Variants in POLH observed in about 807,000 individuals in gnomAD.
POLH encodes the protein DNA polymerase eta transcript.
POLH carries 53 observed loss-of-function variants against 73.6 expected under a neutral mutation model. The observed-to-expected ratio is 0.72, with a 90% CI of 0.58 to 0.91. The LOEUF (loss-of-function observed/expected upper bound fraction) is 0.91. Ranked by LOEUF, POLH falls within the 40% of genes least tolerant of loss-of-function variation. The probability of loss-of-function intolerance (pLI) is 0.00; values close to 1 mark genes in which losing one functional copy is unlikely to be tolerated. For synonymous variants in POLH, 292 were observed against 308.5 expected, an observed-to-expected ratio of 0.95 and a Z score of 0.56; for missense variants, 768 against 865.4, an observed-to-expected ratio of 0.89 and a Z score of 1.41.
At chr6:43,609,925 G>A (rs1036746100) in intron 9 of POLH, among the ~76,000 whole-genome samples, 2 of 152,012 alleles carry the variant, frequency 1.3e-5, no homozygotes, top group Non-Finnish European at 2.9e-5. Flanking sequence ...AGGATACTCC[G>A]ATGTTCCATA....
chr6:43,582,592 A>G (rs772034269), intron 2 of POLH, 136 bp downstream of exon 2: 2 of 872,352 alleles, frequency 2.3e-6, no homozygotes, highest in Non-Finnish European at 3.9e-6. Context: ...CAGTGGCACC[A>G]TCAGCTCACA....
In POLH at chr6:43,614,797, GGAGGCA is replaced by G; in HGVS notation, c.*242_*247del. On this transcript the variant is annotated 3_prime_UTR_variant, in exon 11 of 11. Transcript: ENST00000372236. ...AGAGTTTTTAATCTTTAGCATTTAG[GGAGGCA>G]GTGTCATAAAGTAAAAAGTGTGTGG... 6.0e-6 allele frequency: 3 copies of G among 497,188 alleles called. No individual in the cohort carries two copies. The highest frequency in any genetic ancestry group is 1.1e-5 in the Non-Finnish European group (3 of 282,474). 30.8% of individuals were successfully genotyped at this position (497,188 alleles called of 1,614,324 possible). A position where few individuals can be genotyped will look rare whatever the true frequency, so the allele number is the denominator to read the frequency against.
chr6:43,607,992 G>T (rs1018783382), intron 9 of POLH, among the ~76,000 whole-genome samples: 1 of 152,142 alleles, frequency 6.6e-6, no homozygotes, highest in Non-Finnish European at 1.5e-5. Context: ...TTAGCTGGGC[G>T]TGGTGGCGGG....
intron 4 of POLH, among the ~76,000 whole-genome samples, chr6:43,589,669 A>G (rs1582283033): frequency 6.8e-6 from 1 of 147,666 alleles, no homozygotes; most frequent in South Asian, 2.1e-4. Flanking sequence ...AAGTCTCACT[A>G]TGTTGCCCAG....
intron 1 of POLH, among the ~76,000 whole-genome samples, chr6:43,576,744 C>T (rs913786182): frequency 3.9e-5 from 6 of 152,216 alleles, no homozygotes; most frequent in Non-Finnish European, 7.3e-5. Context: ...TAATTGCAAT[C>T]AGTGAAGGTT....
chr6:43,614,670 A>G lies in POLH; in HGVS notation c.*113A>G. ...GAGAAAGGGAATTATGAAATTTTTA[A>G]TACAAAAAATAATCCATTTAGGTGC... On this transcript the variant is annotated 3_prime_UTR_variant, in exon 11 of 11. Coordinates refer to ENST00000372236, the MANE Select transcript of POLH (RefSeq NM_006502.3). 1 of 962,612 alleles carries G rather than the reference A, an allele frequency of 1.0e-6. No homozygotes were observed. Among genetic ancestry groups the G allele is most frequent in the Non-Finnish European group, 1.5e-6 (1 of 650,872 alleles). 59.6% of individuals were successfully genotyped at this position (962,612 alleles called of 1,614,324 possible).
In POLH at chr6:43,601,110, T is replaced by G. The variant is rs760141371; in HGVS notation, c.764+19T>G. On this transcript the variant is annotated intron_variant, in intron 6 of 10. Coordinates refer to ENST00000372236, the MANE Select transcript of POLH (RefSeq NM_006502.3). ...GCAAAATGTAAGTATTCAGGCAGCA[T>G]GTTAAATTTCACTTCTATCCATGTG... is the stretch of plus-strand genomic sequence containing the variant. The G allele has an allele frequency of 6.5e-7, 1 of 1,532,224 alleles. No individual in the cohort carries two copies. The highest frequency in any genetic ancestry group is 9.0e-7 in the Non-Finnish European group (1 of 1,105,500). The allele number at this position is 1,532,224 out of a possible 1,614,324, so 94.9% of individuals were successfully genotyped here. A position where few individuals can be genotyped will look rare whatever the true frequency, so the allele number is the denominator to read the frequency against.
intron 3 of POLH, among the ~76,000 whole-genome samples, chr6:43,586,283 A>G (rs1007931020): frequency 1.8e-4 from 28 of 152,146 alleles, no homozygotes; most frequent in Non-Finnish European, 1.5e-5. Flanking sequence ...ATTCGAGATC[A>G]GCCTGGCCAA....
chr6:43,598,461 TAC>T (rs1766349441), intron 5 of POLH, among the ~76,000 whole-genome samples: 3 of 150,118 alleles, frequency 2.0e-5, no homozygotes, highest in Admixed American at 1.3e-4. Context: ...ACACCATCTC[TAC>T]TAAAAATACA....
chr6:43,578,546 T>C, intron 1 of POLH: 2 of 328,090 alleles, frequency 6.1e-6, no homozygotes, highest in Non-Finnish European at 1.2e-5. Context: ...AGTGTCATGG[T>C]CATGAAAAAC....
Position 43,597,852 on chromosome 6 carries a change from T to C in POLH, c.647T>C (p.Ile216Thr). Reference protein sequence around the residue: ...RETGFQCSAGISHNKVLAKLA... With the variant: ...RETGFQCSAGTSHNKVLAKLA... ...ACTGGTTTTCAGTGTTCAGCTGGAA[T>C]TTCACACAATAAGGTGAAGGCTAAT... is the stretch of plus-strand genomic sequence containing the variant. Residue 216 changes from isoleucine (I) to threonine (T), a missense_variant, in exon 5 of 11, where the codon ATT becomes ACT. Physicochemically the swap from Ile to Thr is moderately conservative, Grantham distance 89 (BLOSUM62 -1). Coordinates refer to ENST00000372236, the MANE Select transcript of POLH (RefSeq NM_006502.3). The C allele has an allele frequency of 6.2e-7, 1 of 1,613,118 alleles. No individual in the cohort carries two copies. Among genetic ancestry groups the C allele is most frequent in the Non-Finnish European group, 8.5e-7 (1 of 1,179,074 alleles).
intron 4 of POLH, among the ~76,000 whole-genome samples, chr6:43,596,156 T>C (rs1287033918): frequency 6.6e-6 from 1 of 152,148 alleles, no homozygotes; most frequent in Non-Finnish European, 1.5e-5. Context: ...AAAGTATAGA[T>C]GTGTTTAAGC....
chr6:43,583,975 C>CT (rs1411252381), intron 3 of POLH, among the ~76,000 whole-genome samples: 1 of 152,176 alleles, frequency 6.6e-6, no homozygotes, highest in African/African-American at 2.4e-5. Context: ...AACCCCATCT[C>CT]TAACAGAAAA....
rs1379646204 is a variant in POLH at position 43,590,370 on chromosome 6, AC to A, written c.490+2882del. On this transcript the variant is annotated intron_variant, in intron 4 of 10. Transcript: ENST00000372236. Reference sequence around the variant, plus strand: ...AAGACTCCATCTTAAAAAAAAAAAAACAAAAAACTTGCTTTTGTGATAATGT... The same window carrying A: ...AAGACTCCATCTTAAAAAAAAAAAAAAAAAAACTTGCTTTTGTGATAATGT... Among the ~76,000 whole-genome samples the A allele has an allele frequency of 5.8e-3, 884 of 151,440 alleles. 6 individuals are homozygous for A. The highest frequency in any genetic ancestry group is 0.021 in the African/African-American group (846 of 41,170).
intron 3 of POLH, among the ~76,000 whole-genome samples, chr6:43,587,019 A>G (rs369934799): frequency 6.6e-6 from 1 of 152,152 alleles, no homozygotes; most frequent in East Asian, 1.9e-4. Flanking sequence ...TCATAGTCTG[A>G]ATGCTTTCTG....
intron 5 of POLH, 45 bp from the exon 6 acceptor site, chr6:43,600,943 G>A (rs747076276): frequency 2.5e-6 from 3 of 1,200,726 alleles, no homozygotes; most frequent in Non-Finnish European, 3.7e-6. Context: ...CACCAACTTT[G>A]ATGGGTTGAC....
In POLH at chr6:43,587,340, T is replaced by C. The variant is rs1437060722; in HGVS notation, c.341T>C (p.Ile114Thr). Residue 114 changes from isoleucine to threonine, a missense_variant, in exon 4 of 11, where the codon ATT becomes ACT. Coordinates refer to ENST00000372236, the MANE Select transcript of POLH (RefSeq NM_006502.3). The stretch of plus-strand genomic sequence containing the variant: ...TTTGCTGTGATTGAACGTGCCAGCA[T>C]TGATGAGGCTTACGTAGATCTGACC... ...SRFAVIERASIDEAYVDLTSA... is the reference protein window; with the variant it reads ...SRFAVIERASTDEAYVDLTSA... The C allele has an allele frequency of 2.5e-6, 4 of 1,614,144 alleles. No individual in the cohort carries two copies. Among genetic ancestry groups the C allele is most frequent in the Non-Finnish European group, 3.4e-6 (4 of 1,179,954 alleles).
chr6:43,614,791 A>AT lies in POLH; in HGVS notation c.*237dup, dbSNP rs1246096808. ...CCTACCAGAGTTTTTAATCTTTAGC[A>AT]TTTAGGGAGGCAGTGTCATAAAGTA... is the stretch of plus-strand genomic sequence containing the variant. On this transcript the variant is annotated 3_prime_UTR_variant, in exon 11 of 11. Coordinates refer to ENST00000372236, the MANE Select transcript of POLH (RefSeq NM_006502.3). The AT allele has an allele frequency of 2.0e-6, 1 of 506,318 alleles. No homozygotes were observed. The highest frequency in any genetic ancestry group is 1.9e-5 in the African/African-American group (1 of 51,804). The allele number at this position is 506,318 out of a possible 1,614,324, so 31.4% of individuals were successfully genotyped here.
intron 4 of POLH, among the ~76,000 whole-genome samples, chr6:43,589,804 T>C (rs1765237591): frequency 6.6e-6 from 1 of 151,924 alleles, no homozygotes; most frequent in African/African-American, 2.4e-5. Context: ...ACTACAAGTA[T>C]GTGCCATCAT....
Sources: gnomAD v4.1 joint callset for allele counts (sites outside exome capture counted in the v4.1 genomes callset) on GRCh38, gnomAD v4.1.1 for gene constraint, MANE v1.5 for transcripts, NCBI Gene and HGNC (gene_info 2026-07-23, HGNC 2026-07-21) for gene names.